Variants in KCND2 observed in about 807,000 individuals in gnomAD.
KCND2 encodes the protein A-type voltage-gated potassium channel KCND2.
KCND2 carries 16 observed loss-of-function variants against 54.4 expected under a neutral mutation model. The observed-to-expected ratio is 0.29, with a 90% CI of 0.20 to 0.45. KCND2 has a LOEUF of 0.45. Ranked by LOEUF, KCND2 falls within the 20% of genes least tolerant of loss-of-function variation. The pLI, the probability that KCND2 is intolerant of heterozygous loss-of-function variation, is 1.00. For missense variants in KCND2, 486 were observed against 824.2 expected (o/e 0.59, Z 5.02); for synonymous variants, 317 against 310.7 (o/e 1.02, Z -0.21).
intron 1 of KCND2, among the ~76,000 whole-genome samples, chr7:120,431,666 T>C (rs991113149): frequency 2.0e-5 from 3 of 152,184 alleles, no homozygotes; most frequent in African/African-American, 7.2e-5. Context: ...ATTTTTTGTT[T>C]CCCATACTCC....
intron 1 of KCND2, among the ~76,000 whole-genome samples, chr7:120,426,224 A>G (rs1801703841): frequency 6.6e-6 from 1 of 152,122 alleles, no homozygotes; most frequent in Admixed American, 6.5e-5. Context: ...CTTAAATTTA[A>G]AATATATTTT....
At chr7:120,588,550 GAT>G (rs1308095088) in intron 1 of KCND2, among the ~76,000 whole-genome samples, 1 of 152,004 alleles carries the variant, frequency 6.6e-6, no homozygotes, top group African/African-American at 2.4e-5. Flanking sequence ...CTTGTAGAAA[GAT>G]AAGCAGAGCA....
intron 1 of KCND2, among the ~76,000 whole-genome samples, chr7:120,703,092 G>A (rs1020012659): frequency 3.3e-5 from 5 of 152,144 alleles, no homozygotes; most frequent in Admixed American, 3.3e-4. Flanking sequence ...CAGTGGTCCC[G>A]TGCTTGAAGG....
intron 1 of KCND2, among the ~76,000 whole-genome samples, chr7:120,316,924 C>T (rs1799820770): frequency 6.6e-6 from 1 of 151,972 alleles, no homozygotes. Flanking sequence ...CAACCTCTGC[C>T]TCCCGGGTTC....
intron 1 of KCND2, among the ~76,000 whole-genome samples, chr7:120,441,781 C>T (rs1165680764): frequency 6.6e-6 from 1 of 151,954 alleles, no homozygotes; most frequent in African/African-American, 2.4e-5. Flanking sequence ...ATATGCTTAT[C>T]GGAGATAAAG....
At chr7:120,625,075 T>A (rs551451147) in intron 1 of KCND2, among the ~76,000 whole-genome samples, 1 of 152,316 alleles carries the variant, frequency 6.6e-6, no homozygotes, top group Admixed American at 6.5e-5. Context: ...GAAACTAGAA[T>A]GAGACTTGGC....
intron 1 of KCND2, among the ~76,000 whole-genome samples, chr7:120,386,952 T>A (rs1008601155): frequency 6.6e-6 from 1 of 152,166 alleles, no homozygotes; most frequent in South Asian, 2.1e-4. Context: ...ATTATTCCAG[T>A]GATGGGACCA....
chr7:120,723,105 G>A (rs1365989462), intron 1 of KCND2, among the ~76,000 whole-genome samples: 1 of 152,258 alleles, frequency 6.6e-6, no homozygotes, highest in East Asian at 1.9e-4. Flanking sequence ...AATGGCCGCA[G>A]GTAACTAAAG....
intron 1 of KCND2, among the ~76,000 whole-genome samples, chr7:120,698,692 A>G (rs879759435): frequency 1.3e-5 from 2 of 152,228 alleles, no homozygotes; most frequent in African/African-American, 2.4e-5. Flanking sequence ...TGAGCAGATT[A>G]GTGCAAATCC....
intron 1 of KCND2, among the ~76,000 whole-genome samples, chr7:120,564,988 G>A (rs1231841221): frequency 6.6e-6 from 1 of 152,138 alleles, no homozygotes; most frequent in African/African-American, 2.4e-5. Flanking sequence ...GTAGATACTT[G>A]TAATGTAGGG....
At chr7:120,578,054 G>T (rs1035893825) in intron 1 of KCND2, among the ~76,000 whole-genome samples, 1 of 151,778 alleles carries the variant, frequency 6.6e-6, no homozygotes, top group Non-Finnish European at 1.5e-5. Flanking sequence ...AGAAGAAGAA[G>T]AAGAAGAAGA....
chr7:120,393,279 C>T (rs546170824), intron 1 of KCND2, among the ~76,000 whole-genome samples: 5 of 152,038 alleles, frequency 3.3e-5, no homozygotes, highest in African/African-American at 1.2e-4. Context: ...AGAAATAAAT[C>T]GTACCAATAT....
intron 1 of KCND2, among the ~76,000 whole-genome samples, chr7:120,440,911 A>G (rs1463015804): frequency 1.3e-5 from 2 of 152,058 alleles, no homozygotes; most frequent in Non-Finnish European, 1.5e-5. Flanking sequence ...ATTTGAGACT[A>G]TCAATTATCT....
At chr7:120,415,371 T>C (rs1024162432) in intron 1 of KCND2, among the ~76,000 whole-genome samples, 3 of 152,188 alleles carry the variant, frequency 2.0e-5, no homozygotes, top group Admixed American at 2.0e-4. Context: ...CAAAGCAATT[T>C]TCTTAAAGTG....
At chr7:120,386,055 T>C (rs1430872467) in intron 1 of KCND2, among the ~76,000 whole-genome samples, 1 of 152,140 alleles carries the variant, frequency 6.6e-6, no homozygotes, top group South Asian at 2.1e-4. Context: ...TCACCTTTTC[T>C]GTCTAGCCTC....
rs547980404 is a variant in KCND2, at chr7:120,451,316, A to G, written c.1115+175569A>G. Among the ~76,000 whole-genome samples the G allele has an allele frequency of 5.9e-5, 9 of 152,304 alleles. No individual in the cohort carries two copies. In the East Asian group the frequency reaches 1.7e-3, roughly 29 times the overall value. On this transcript the variant is annotated intron_variant, in intron 1 of 5. Coordinates refer to ENST00000331113, the MANE Select transcript of KCND2 (RefSeq NM_012281.3). ...GGAAGCACGAGTTATTAAAAAATAT[A>G]TATATATTAAGAATAACTCTGTTGA...
chr7:120,423,115 G>A (rs919582391), intron 1 of KCND2, among the ~76,000 whole-genome samples: 4 of 152,130 alleles, frequency 2.6e-5, no homozygotes, highest in Non-Finnish European at 5.9e-5. Flanking sequence ...AGACTTATTT[G>A]TTCAGTTTTC....
At chr7:120,470,353 A>G (rs1230575458) in intron 1 of KCND2, among the ~76,000 whole-genome samples, 1 of 152,114 alleles carries the variant, frequency 6.6e-6, no homozygotes, top group Non-Finnish European at 1.5e-5. Context: ...TGGAGCATTT[A>G]TTCTTGTAGA....
intron 1 of KCND2, among the ~76,000 whole-genome samples, chr7:120,650,560 A>C (rs543272907): frequency 1.4e-5 from 2 of 143,254 alleles, no homozygotes; most frequent in South Asian, 4.4e-4. Context: ...ATGGGTTCGA[A>C]CTTCCTCCTT....
Sources: allele counts gnomAD v4.1 joint callset (sites outside exome capture counted in the v4.1 genomes callset), GRCh38; gene constraint gnomAD v4.1.1; transcripts MANE v1.5; gene names NCBI Gene and HGNC (gene_info 2026-07-23, HGNC 2026-07-21).